Variants in GPHN observed in about 807,000 individuals in gnomAD.
GPHN encodes gephyrin.
GPHN carries 17 observed loss-of-function variants against 95.5 expected under a neutral mutation model. The observed-to-expected ratio is 0.18, with a 90% confidence interval of 0.12 to 0.27. The LOEUF (loss-of-function observed/expected upper bound fraction) is 0.27. Ranked by LOEUF, GPHN falls within the 10% of genes least tolerant of loss-of-function variation. The probability of loss-of-function intolerance (pLI) is 1.00; values close to 1 mark genes in which losing one functional copy is unlikely to be tolerated. For missense variants in GPHN, 660 were observed against 978.1 expected (o/e 0.67, Z 4.34); for synonymous variants, 320 against 322.5 (o/e 0.99, Z 0.08).
chr14:66,752,271 AATTTTTTTC>A (rs2058395051), intron 2 of GPHN, among the ~76,000 whole-genome samples: 1 of 152,008 alleles, frequency 6.6e-6, no homozygotes, highest in Non-Finnish European at 1.5e-5. Flanking sequence ...TAGCACTTTT[AATTTTTTTC>A]AAAAACTTTC....
At chr14:67,570,444 GAAT>G in the GPHN span, 3 of 229,282 alleles carry the variant, frequency 1.3e-5, no homozygotes, top group Non-Finnish European at 2.2e-5. Flanking sequence ...ACTGGTTTTT[GAAT>G]AATAGTAATA....
At chr14:67,015,684 A>G (rs1165464911) in intron 9 of GPHN, among the ~76,000 whole-genome samples, 2 of 152,286 alleles carry the variant, frequency 1.3e-5, no homozygotes, top group East Asian at 3.9e-4. Flanking sequence ...TGACAGAGCA[A>G]GACTCCATTT....
intron 2 of GPHN, among the ~76,000 whole-genome samples, chr14:66,748,352 A>G (rs776367803): frequency 1.3e-5 from 2 of 152,012 alleles, no homozygotes; most frequent in Non-Finnish European, 2.9e-5. Flanking sequence ...GCATTTATAG[A>G]CTTTTTAAAT....
intron 8 of GPHN, among the ~76,000 whole-genome samples, chr14:66,942,900 T>C (rs1467021156): frequency 6.6e-6 from 1 of 152,112 alleles, no homozygotes; most frequent in African/African-American, 2.4e-5. Context: ...TGTTATGAAA[T>C]AGAATTCCAG....
chr14:67,598,892 T>C, the GPHN span, among the ~76,000 whole-genome samples: 1 of 152,056 alleles, frequency 6.6e-6, no homozygotes, highest in African/African-American at 2.4e-5. Flanking sequence ...GAATTTTTCG[T>C]AGAGACGTGG....
chr14:67,299,525 G>T, the GPHN span, among the ~76,000 whole-genome samples: 3 of 152,130 alleles, frequency 2.0e-5, no homozygotes, highest in Non-Finnish European at 2.9e-5. Context: ...AGGAAAAGTG[G>T]TATAGCTAAA....
intron 1 of GPHN, among the ~76,000 whole-genome samples, chr14:66,510,057 T>A (rs1202240415): frequency 2.0e-5 from 3 of 152,212 alleles, no homozygotes; most frequent in African/African-American, 7.2e-5. Context: ...TCTAAACCAG[T>A]TGCAGAAAAG....
chr14:67,312,961 C>G, the GPHN span, among the ~76,000 whole-genome samples: 1 of 152,022 alleles, frequency 6.6e-6, no homozygotes, highest in Non-Finnish European at 1.5e-5. Flanking sequence ...TTCCTGTATA[C>G]ATATTAAGAT....
intron 9 of GPHN, among the ~76,000 whole-genome samples, chr14:66,970,718 A>T (rs530177158): frequency 6.6e-6 from 1 of 152,354 alleles, no homozygotes; most frequent in Non-Finnish European, 1.5e-5. Context: ...CTGAAATTAT[A>T]TCAACATTGG....
chr14:66,752,437 T>C (rs1024746231), intron 2 of GPHN, among the ~76,000 whole-genome samples: 5 of 152,068 alleles, frequency 3.3e-5, no homozygotes, highest in Non-Finnish European at 7.4e-5. Flanking sequence ...GAAACCACTG[T>C]AGGGTTATTA....
chr14:67,649,849 G>A, the GPHN span: 1 of 152,158 alleles, frequency 6.6e-6, no homozygotes, highest in Non-Finnish European at 1.5e-5. Context: ...ATACTAGCTT[G>A]TTCAGATCAC....
intron 9 of GPHN, among the ~76,000 whole-genome samples, chr14:67,023,174 TTCTC>T (rs2073747658): frequency 6.6e-6 from 1 of 152,092 alleles, no homozygotes; most frequent in Non-Finnish European, 1.5e-5. Context: ...ATATAAGGAT[TTCTC>T]TATTTTCCTC....
chr14:67,580,578 C>T, the GPHN span, among the ~76,000 whole-genome samples: 1 of 152,232 alleles, frequency 6.6e-6, no homozygotes, highest in African/African-American at 2.4e-5. Context: ...GGCTTTGTTA[C>T]ATGGTAGCCC....
chr14:66,798,943 G>A (rs535553145), intron 3 of GPHN, among the ~76,000 whole-genome samples: 51 of 151,454 alleles, frequency 3.4e-4, no homozygotes, highest in Admixed American at 6.6e-4. Flanking sequence ...TTTAATGTAG[G>A]CCCTTACAGC....
chr14:67,156,996 A>G (rs1196696699), intron 18 of GPHN, among the ~76,000 whole-genome samples: 1 of 151,846 alleles, frequency 6.6e-6, no homozygotes, highest in Non-Finnish European at 1.5e-5. Flanking sequence ...GAAAAATTAT[A>G]CTAAATGTAA....
At chr14:67,210,051 G>T in the GPHN span, among the ~76,000 whole-genome samples, 1 of 152,088 alleles carries the variant, frequency 6.6e-6, no homozygotes, top group Admixed American at 6.5e-5. Context: ...CACTCTTAGT[G>T]TCACTGTAAA....
chr14:67,007,633 A>G (rs1415372372), intron 9 of GPHN, among the ~76,000 whole-genome samples: 1 of 152,222 alleles, frequency 6.6e-6, no homozygotes, highest in African/African-American at 2.4e-5. Context: ...CAGGTCAATG[A>G]CAGTAGCATT....
At chr14:67,729,248 G>A in the GPHN span, 19 of 1,609,880 alleles carry the variant, frequency 1.2e-5, no homozygotes, top group Non-Finnish European at 1.5e-5. Context: ...GAGCTGGTCC[G>A]GCACTCCTCC....
chr14:66,985,051 G>A (rs543368375), intron 9 of GPHN, among the ~76,000 whole-genome samples: 20 of 152,060 alleles, frequency 1.3e-4, no homozygotes, highest in Non-Finnish European at 2.4e-4. Flanking sequence ...TTTCCAAGAG[G>A]AAAATTCAGC....
Sources: gnomAD v4.1 joint callset for allele counts (sites outside exome capture counted in the v4.1 genomes callset) on GRCh38, gnomAD v4.1.1 for gene constraint, MANE v1.5 for transcripts, NCBI Gene and HGNC (gene_info 2026-07-23, HGNC 2026-07-21) for gene names.